The following PEX5L variants were observed in gnomAD, a reference collection of about 807,000 sequenced individuals.
PEX5L encodes PEX5-related protein.
Under a neutral mutation model 84.0 loss-of-function variants are expected in PEX5L, and 30 were observed. That is an observed-to-expected ratio of 0.36 (90% CI 0.27 to 0.48). The LOEUF (loss-of-function observed/expected upper bound fraction) is 0.48, where lower values mean the gene tolerates loss of function less well. Among genes scored for constraint, PEX5L ranks in the 20% least tolerant of loss-of-function variants. The pLI is 0.99. For missense variants in PEX5L, 533 were observed against 754.6 expected, an observed-to-expected ratio of 0.71 and a Z score of 3.44; for synonymous variants, 270 against 283.1, an observed-to-expected ratio of 0.95 and a Z score of 0.46.
At chr3:179,912,238 G>T (rs1260780341) in intron 2 of PEX5L, among the ~76,000 whole-genome samples, 1 of 151,998 alleles carries the variant, frequency 6.6e-6, no homozygotes, top group African/African-American at 2.4e-5. Flanking sequence ...TTCTCAATCT[G>T]CTATAAATGG....
chr3:179,955,556 G>A (rs1021809577), intron 2 of PEX5L, among the ~76,000 whole-genome samples: 9 of 149,134 alleles, frequency 6.0e-5, no homozygotes, highest in African/African-American at 9.9e-5. Flanking sequence ...TCTAGTCTTC[G>A]GGGACAAATA....
At position 179,798,483 on chromosome 3, in the gene PEX5L, C is replaced by G. The variant is rs1717887138; in HGVS notation, c.*3345G>C. On this transcript the variant is annotated 3_prime_UTR_variant, in exon 15 of 15. Transcript: ENST00000467460. ...AGGTACAACAGCATGTAGAAGTAGC[C>G]TACTAGAAATGGTTATATTTTGAAA... The G allele has an allele frequency of 6.6e-6, 1 of 152,128 alleles. No homozygotes were observed. The highest frequency in any genetic ancestry group is 6.5e-5 in the Admixed American group (1 of 15,280). The allele number at this position is 152,128 out of a possible 1,614,324, so 9.4% of individuals were successfully genotyped here. A position where few individuals can be genotyped will look rare whatever the true frequency, so the allele number is the denominator to read the frequency against.
chr3:180,026,322 T>A (rs1790954958), intron 1 of PEX5L, among the ~76,000 whole-genome samples: 1 of 152,036 alleles, frequency 6.6e-6, no homozygotes, highest in African/African-American at 2.4e-5. Context: ...GAAGACTTTC[T>A]TTTTGTCTTA....
At chr3:179,811,603 G>GT (rs1057445276) in intron 11 of PEX5L, among the ~76,000 whole-genome samples, 198 bp downstream of exon 11, 5 of 152,202 alleles carry the variant, frequency 3.3e-5, no homozygotes, top group African/African-American at 1.2e-4. Flanking sequence ...TTTGTAGATA[G>GT]TAAGACATTG....
intron 2 of PEX5L, among the ~76,000 whole-genome samples, chr3:179,947,851 C>T (rs1778017939): frequency 6.6e-6 from 1 of 151,814 alleles, no homozygotes; most frequent in Admixed American, 6.6e-5. Flanking sequence ...GGACTACAGG[C>T]ACCCGCCACC....
At chr3:179,857,495 T>C (rs1025761053) in intron 8 of PEX5L, among the ~76,000 whole-genome samples, 13 of 152,208 alleles carry the variant, frequency 8.5e-5, no homozygotes, top group African/African-American at 3.1e-4. Flanking sequence ...AAAAAATTTT[T>C]TTGGTTTGTG....
chr3:179,906,989 G>A (rs970187434), intron 2 of PEX5L, among the ~76,000 whole-genome samples: 1 of 152,144 alleles, frequency 6.6e-6, no homozygotes, highest in Non-Finnish European at 1.5e-5. Flanking sequence ...AAAGGAAGTA[G>A]GGAAAGAGGT....
intron 2 of PEX5L, among the ~76,000 whole-genome samples, chr3:179,962,564 G>A (rs1237426106): frequency 6.6e-6 from 1 of 152,094 alleles, no homozygotes. Flanking sequence ...ACTAGAAATG[G>A]GTTCCATGGG....
At chr3:179,831,208 G>A (rs1395791897) in intron 8 of PEX5L, among the ~76,000 whole-genome samples, 4 of 151,652 alleles carry the variant, frequency 2.6e-5, no homozygotes, top group Non-Finnish European at 2.9e-5. Context: ...CCAGCTACTC[G>A]GGAGGCTGAG....
chr3:179,814,271 A>C (rs17690674), intron 10 of PEX5L, among the ~76,000 whole-genome samples: 23,873 of 152,256 alleles, frequency 0.16, 1,985 homozygotes, highest in South Asian at 0.2. Context: ...AATAATAAAA[A>C]TGAAGGCTAA....
At chr3:179,983,581 T>G (rs1403043436) in intron 1 of PEX5L, among the ~76,000 whole-genome samples, 2 of 151,948 alleles carry the variant, frequency 1.3e-5, no homozygotes, top group Non-Finnish European at 2.9e-5. Flanking sequence ...CACCAAACAA[T>G]ACTAGTTGGG....
chr3:179,856,316 AACT>A (rs1433761081), intron 8 of PEX5L, among the ~76,000 whole-genome samples: 1 of 152,202 alleles, frequency 6.6e-6, no homozygotes, highest in Non-Finnish European at 1.5e-5. Context: ...TCCATATATA[AACT>A]ACTATTTCAA....
chr3:179,820,144 C>A (rs1173554653), intron 8 of PEX5L, 168 bp from the exon 9 acceptor site: 2 of 843,786 alleles, frequency 2.4e-6, no homozygotes, highest in Non-Finnish European at 3.6e-6. Flanking sequence ...ACTCACTGGT[C>A]AGAGTGTTGA....
chr3:180,007,508 G>A (rs1789022816), intron 1 of PEX5L, among the ~76,000 whole-genome samples: 1 of 152,204 alleles, frequency 6.6e-6, no homozygotes, highest in African/African-American at 2.4e-5. Context: ...CAGTGCCCCA[G>A]TAGGGACTCC....
intron 1 of PEX5L, among the ~76,000 whole-genome samples, chr3:179,998,023 A>T (rs1408693580): frequency 2.0e-5 from 3 of 152,220 alleles, no homozygotes; most frequent in African/African-American, 7.2e-5. Flanking sequence ...GATTGGATTC[A>T]GTGAGTAAGA....
At chr3:180,017,973 CTG>C (rs1790083058) in intron 1 of PEX5L, among the ~76,000 whole-genome samples, 1 of 152,150 alleles carries the variant, frequency 6.6e-6, no homozygotes, top group African/African-American at 2.4e-5. Flanking sequence ...TTATTCTGCT[CTG>C]TGTTTCTCAG....
At chr3:179,812,870 C>G (rs572368523) in intron 10 of PEX5L, among the ~76,000 whole-genome samples, 2 of 151,304 alleles carry the variant, frequency 1.3e-5, no homozygotes, top group Non-Finnish European at 1.5e-5. Context: ...TTACACACTC[C>G]CCAAAGACTC....
At chr3:179,907,230 G>A (rs1355979408) in intron 2 of PEX5L, among the ~76,000 whole-genome samples, 1 of 151,912 alleles carries the variant, frequency 6.6e-6, no homozygotes, top group African/African-American at 2.4e-5. Flanking sequence ...AAAGTCACAA[G>A]GAAGAATTTC....
At chr3:179,932,563 T>C (rs1456352404) in intron 2 of PEX5L, among the ~76,000 whole-genome samples, 2 of 152,188 alleles carry the variant, frequency 1.3e-5, no homozygotes, top group Non-Finnish European at 2.9e-5. Context: ...GGCAAATGCA[T>C]ATAAGACATT....
Sources: allele counts gnomAD v4.1 joint callset (sites outside exome capture counted in the v4.1 genomes callset), GRCh38; gene constraint gnomAD v4.1.1; transcripts MANE v1.5; gene names NCBI Gene and HGNC (gene_info 2026-07-23, HGNC 2026-07-21).